The following PLCE1 variants were observed in gnomAD, a reference collection of about 807,000 sequenced individuals.
PLCE1 encodes the protein 1-phosphatidylinositol 4,5-bisphosphate phosphodiesterase epsilon-1.
PLCE1 carries 119 observed loss-of-function variants against 242.8 expected under a neutral mutation model. That is an observed-to-expected ratio of 0.49 (90% CI 0.42 to 0.57). PLCE1 has a LOEUF of 0.57. Ranked by LOEUF, PLCE1 falls within the 20% of genes least tolerant of loss-of-function variation. The probability of loss-of-function intolerance (pLI) is 0.00; values close to 1 mark genes in which losing one functional copy is unlikely to be tolerated. For missense variants in PLCE1, 2,441 were observed against 2,788.8 expected, an observed-to-expected ratio of 0.88 and a Z score of 2.81; for synonymous variants, 945 against 1,017.4, an observed-to-expected ratio of 0.93 and a Z score of 1.35.
At chr10:94,233,909 C>T in intron 5 of PLCE1, 145 bp from the exon 6 acceptor site, 1 of 713,474 alleles carries the variant, frequency 1.4e-6, no homozygotes, top group South Asian at 1.7e-5. Context: ...GATCGCACCA[C>T]TGCACTCCAG....
chr10:94,196,922 A>G (rs2048840506), intron 4 of PLCE1, among the ~76,000 whole-genome samples: 1 of 152,180 alleles, frequency 6.6e-6, no homozygotes, highest in African/African-American at 2.4e-5. Flanking sequence ...TATAATCATC[A>G]CCATAAATCA....
At chr10:94,226,909 G>A (rs766903666) in intron 4 of PLCE1, among the ~76,000 whole-genome samples, 1 of 132,738 alleles carries the variant, frequency 7.5e-6, no homozygotes, top group African/African-American at 2.9e-5. Context: ...GTACAATCTC[G>A]GCTCGCTGCA....
chr10:94,323,238 G>A (rs2133891164), intron 30 of PLCE1, among the ~76,000 whole-genome samples: 1 of 152,262 alleles, frequency 6.6e-6, no homozygotes, highest in East Asian at 1.9e-4. Context: ...TTTCAGAGAA[G>A]TTTGCTTCCT....
chr10:94,066,000 C>CT (rs2044185085), intron 2 of PLCE1, among the ~76,000 whole-genome samples: 1 of 152,134 alleles, frequency 6.6e-6, no homozygotes. Flanking sequence ...AGTGTCCTCT[C>CT]TTTAAAGAGG....
At chr10:94,163,851 G>T (rs1308147690) in intron 3 of PLCE1, among the ~76,000 whole-genome samples, 5 of 152,222 alleles carry the variant, frequency 3.3e-5, no homozygotes, top group African/African-American at 1.2e-4. Flanking sequence ...GGGTAGGCCT[G>T]GTGGTGACAA....
intron 2 of PLCE1, among the ~76,000 whole-genome samples, chr10:94,091,069 G>A (rs934418693): frequency 3.3e-5 from 5 of 152,056 alleles, no homozygotes; most frequent in African/African-American, 1.2e-4. Flanking sequence ...TTTTGTCAGT[G>A]TATTACATTA....
intron 4 of PLCE1, among the ~76,000 whole-genome samples, chr10:94,197,362 G>C (rs931874648): frequency 6.6e-6 from 1 of 152,118 alleles, no homozygotes; most frequent in South Asian, 2.1e-4. Flanking sequence ...GAGTGGAATT[G>C]CTGGGTCATA....
chr10:93,994,621 A>G (rs534015649), intron 1 of PLCE1, among the ~76,000 whole-genome samples: 19 of 152,214 alleles, frequency 1.2e-4, no homozygotes, highest in African/African-American at 4.3e-4. Flanking sequence ...GTTCCTGGAG[A>G]GATTTGTGTA....
chr10:94,315,652 C>A (rs1030825235), intron 28 of PLCE1, among the ~76,000 whole-genome samples: 1 of 151,786 alleles, frequency 6.6e-6, no homozygotes, highest in African/African-American at 2.4e-5. Flanking sequence ...ACCTGTAATC[C>A]CAGCTACTCG....
Position 94,324,331 on chromosome 10 carries a change from T to A in PLCE1, c.6502-18T>A. ...AGATTCTGTGTCTTTATTCAGTTGA[T>A]CATAACTTACCTTTCAGACCTTATG... On this transcript the variant is annotated intron_variant, in intron 30 of 32. Coordinates refer to ENST00000371380, the MANE Select transcript of PLCE1 (RefSeq NM_016341.4). 1 of 1,588,210 alleles carries A rather than the reference T, an allele frequency of 6.3e-7. No individual in the cohort carries two copies.
chr10:94,092,509 T>C (rs909430880), intron 2 of PLCE1, among the ~76,000 whole-genome samples: 3 of 151,602 alleles, frequency 2.0e-5, no homozygotes, highest in Non-Finnish European at 4.4e-5. Flanking sequence ...TTTGAAAAAA[T>C]AGGAAGTTCA....
At chr10:94,040,129 T>C (rs570282348) in intron 2 of PLCE1, among the ~76,000 whole-genome samples, 1 of 152,032 alleles carries the variant, frequency 6.6e-6, no homozygotes, top group African/African-American at 2.4e-5. Context: ...TGATTAAAAA[T>C]TTTTTTTGTA....
chr10:94,110,058 CTTTTTTTTTT>C lies in PLCE1; in HGVS notation c.1207-22103_1207-22094del, dbSNP rs33974566. ...AGACCCTTTCCTTTTTTTCTTTTTT[CTTTTTTTTTT>C]TTTTTTTTTTTTGAGATGGAGTCTC... On this transcript the variant is annotated intron_variant, in intron 2 of 32. Transcript: ENST00000371380. 1.3e-4 allele frequency among the ~76,000 whole-genome samples: 10 copies of C among 75,890 alleles called. 1 individual carries two copies. The East Asian group carries it at 3.5e-3, about 27-fold the overall frequency. The allele number at this position is 75,890 out of a possible 152,430, so 49.8% of individuals were successfully genotyped here.
intron 23 of PLCE1, among the ~76,000 whole-genome samples, chr10:94,295,615 G>A (rs1442246965): frequency 6.6e-6 from 1 of 152,096 alleles, no homozygotes; most frequent in African/African-American, 2.4e-5. Context: ...TGCTCTTAAG[G>A]GCGTCTAGAA....
At chr10:94,093,740 G>A (rs1434614463) in intron 2 of PLCE1, among the ~76,000 whole-genome samples, 1 of 152,010 alleles carries the variant, frequency 6.6e-6, no homozygotes, top group African/African-American at 2.4e-5. Flanking sequence ...TTTACTGCAG[G>A]TGGCCCTAGT....
At chr10:94,143,844 AT>A (rs1278773282) in intron 3 of PLCE1, among the ~76,000 whole-genome samples, 1 of 152,238 alleles carries the variant, frequency 6.6e-6, no homozygotes, top group African/African-American at 2.4e-5. Flanking sequence ...ACTTAAAAAA[AT>A]ATTTTCTATA....
chr10:94,007,802 G>A (rs2061075213), intron 1 of PLCE1, among the ~76,000 whole-genome samples: 1 of 140,824 alleles, frequency 7.1e-6, no homozygotes, highest in South Asian at 2.2e-4. Flanking sequence ...TGCACATAAA[G>A]ATATACTTTT....
intron 1 of PLCE1, among the ~76,000 whole-genome samples, chr10:94,023,717 T>C (rs886357026): frequency 6.6e-6 from 1 of 152,182 alleles, no homozygotes; most frequent in African/African-American, 2.4e-5. Flanking sequence ...GCCTTATCAA[T>C]GTGTTAGTTC....
At chr10:94,004,038 T>C (rs2060987512) in intron 1 of PLCE1, among the ~76,000 whole-genome samples, 1 of 151,910 alleles carries the variant, frequency 6.6e-6, no homozygotes, top group African/African-American at 2.4e-5. Flanking sequence ...TCCTAGCTAC[T>C]TGGGAGGCCG....
Sources: gnomAD v4.1 joint callset for allele counts (sites outside exome capture counted in the v4.1 genomes callset) on GRCh38, gnomAD v4.1.1 for gene constraint, MANE v1.5 for transcripts, NCBI Gene and HGNC (gene_info 2026-07-23, HGNC 2026-07-21) for gene names.